COL3A1: variants seen among roughly 807,000 people sequenced by gnomAD.
COL3A1 encodes the protein collagen type III alpha 1 chain.
In COL3A1, 46 loss-of-function variants were observed where a neutral mutation model predicts 200.9. The ratio of observed to expected loss-of-function variants is 0.23; its 90% confidence interval spans 0.18 to 0.29. COL3A1 has a LOEUF of 0.29. Ranked by LOEUF, COL3A1 falls within the 10% of genes least tolerant of loss-of-function variation. The probability of loss-of-function intolerance (pLI) is 1.00; values close to 1 mark genes in which losing one functional copy is unlikely to be tolerated. For synonymous variants in COL3A1, 650 were observed against 628.0 expected (o/e 1.03, Z -0.52); for missense variants, 1,367 against 1,917.6 (o/e 0.71, Z 5.36).
rs147689522 is a variant in COL3A1 at position 189,008,289 on chromosome 2, C to T, written c.3525+147C>T. The T allele has an allele frequency of 5.7e-4, 422 of 744,242 alleles. No individual in the cohort carries two copies. In the African/African-American group the frequency reaches 6.7e-3, roughly 12 times the overall value. The allele number at this position is 744,242 out of a possible 1,614,324, so 46.1% of individuals were successfully genotyped here. A position where few individuals can be genotyped will look rare whatever the true frequency, so the allele number is the denominator to read the frequency against. On this transcript the variant is annotated intron_variant, in intron 47 of 50. Coordinates refer to ENST00000304636, the MANE Select transcript of COL3A1 (RefSeq NM_000090.4). ...TGAACAATGACTTTAAGACATTCTCCATCACATTAAAAATGTTTCTACCAC... is the reference window on the plus strand; with the variant it reads ...TGAACAATGACTTTAAGACATTCTCTATCACATTAAAAATGTTTCTACCAC...
intron 1 of COL3A1, among the ~76,000 whole-genome samples, chr2:188,980,955 C>A (rs567377441): frequency 6.6e-6 from 1 of 150,876 alleles, no homozygotes; most frequent in Admixed American, 6.6e-5. Flanking sequence ...ACATCTTTTC[C>A]CAGATAAGGA....
intron 1 of COL3A1, among the ~76,000 whole-genome samples, chr2:188,980,298 T>G (rs1687922577): frequency 6.6e-6 from 1 of 151,174 alleles, no homozygotes; most frequent in Non-Finnish European, 1.5e-5. Context: ...CTAATTATTT[T>G]TATTTTTAAC....
At chr2:189,000,947 G>A (rs1040187) in intron 32 of COL3A1, among the ~76,000 whole-genome samples, 109,355 of 152,074 alleles carry the variant, frequency 0.72, 39,619 homozygotes, top group East Asian at 0.93. Flanking sequence ...CAGGTAAAAA[G>A]AGTGCTCAAT....
chr2:188,997,031 TATATATATGAGAC>T (rs1264540257), intron 24 of COL3A1, 121 bp from the exon 25 acceptor site: 11 of 299,542 alleles, frequency 3.7e-5, no homozygotes, highest in South Asian at 2.7e-4. Flanking sequence ...ATATGAGACA[TATATATATGAGAC>T]ATATATATAT....
rs1383823798 is a variant in COL3A1 at position 189,011,777 on chromosome 2, C to G, written c.*3C>G. 6.2e-7 allele frequency: 1 copy of G among 1,613,704 alleles called. No individual in the cohort carries two copies. Among genetic ancestry groups the G allele is most frequent in the South Asian group, 1.1e-5 (1 of 91,068 alleles). On this transcript the variant is annotated 3_prime_UTR_variant, in exon 51 of 51. Coordinates refer to ENST00000304636, the MANE Select transcript of COL3A1 (RefSeq NM_000090.4). ...TTGGCCCTGTTTGCTTTTTATAAAC[C>G]AAACTCTATCTGAAATCCCAACAAA...
rs367750985 is a variant in COL3A1 at position 188,996,379 on chromosome 2, T to C, written c.1663-19T>C. Reference sequence around the variant, plus strand: ...CTTCTCTTTATCAAACCTTTATTAATGTAATTTTTTCTTATTAGGGAAGTC... The same window carrying C: ...CTTCTCTTTATCAAACCTTTATTAACGTAATTTTTTCTTATTAGGGAAGTC... On this transcript the variant is annotated intron_variant, in intron 23 of 50. Coordinates refer to ENST00000304636, the MANE Select transcript of COL3A1 (RefSeq NM_000090.4). 2 of 1,592,846 alleles carry C rather than the reference T, an allele frequency of 1.3e-6. No individual in the cohort carries two copies. Among genetic ancestry groups the C allele is most frequent in the African/African-American group, 2.7e-5 (2 of 74,276 alleles).
At chr2:188,993,977 T>C in intron 16 of COL3A1, 61 bp from the exon 17 acceptor site, 1 of 1,515,858 alleles carries the variant, frequency 6.6e-7, no homozygotes, top group Middle Eastern at 1.7e-4. Flanking sequence ...ACAAACAACT[T>C]CAAATATATA....
At position 189,009,185 on chromosome 2, in the gene COL3A1, A is replaced by G; in HGVS notation, c.3787A>G (p.Arg1263Gly). 3 of 1,614,230 alleles carry G rather than the reference A, an allele frequency of 1.9e-6. No individual in the cohort carries two copies. The highest frequency in any genetic ancestry group is 2.5e-6 in the Non-Finnish European group (3 of 1,180,038). ...GSRKNPARNC[R>G]DLKFCHPELK... is the part of the protein sequence containing the mutation. ...TCGTAAAAACCCCGCTAGAAACTGC[A>G]GAGACCTGAAATTCTGCCATCCTGA... is the stretch of plus-strand genomic sequence containing the variant. The change falls in exon 48 of 51, where the codon AGA becomes GGA. Residue 1263 changes from arginine to glycine, a missense_variant. By Grantham distance (125) the Arg-to-Gly change is moderately radical. This residue lies in a region of COL3A1 where 846 missense variants were observed against 1,147.9 expected (regional missense o/e 0.74). Transcript: ENST00000304636.
rs1209872679 is a variant in COL3A1, at chr2:189,002,313, A to G, written c.2407A>G (p.Thr803Ala). The change falls in exon 35 of 51, where the codon ACT becomes GCT. Residue 803 changes from threonine (T) to alanine (A), a missense_variant. Transcript: ENST00000304636. ...TTCTCTTCAGGGTGAGAGAGGTGAAACTGGCCCTCCAGGACCTGCTGGTTT... is the reference window on the plus strand; with the variant it reads ...TTCTCTTCAGGGTGAGAGAGGTGAAGCTGGCCCTCCAGGACCTGCTGGTTT... The part of the protein sequence containing the change: ...PRGSPGERGE[T>A]GPPGPAGFPG... The G allele has an allele frequency of 6.2e-7, 1 of 1,614,018 alleles. No individual in the cohort carries two copies. The highest frequency in any genetic ancestry group is 8.5e-7 in the Non-Finnish European group (1 of 1,179,908).
rs562018848 is a variant in COL3A1 at position 188,987,704 on chromosome 2, A to G, written c.529-377A>G. 2.0e-5 allele frequency among the ~76,000 whole-genome samples: 3 copies of G among 152,182 alleles called. No homozygotes were observed. The East Asian group carries it at 5.8e-4, about 29-fold the overall frequency. ...TATAGGATTTCTAGTGTGCCAATAA[A>G]TGTTTTTCTGCACTGAGTTTGGCTG... On this transcript the variant is annotated intron_variant, in intron 5 of 50. Coordinates refer to ENST00000304636, the MANE Select transcript of COL3A1 (RefSeq NM_000090.4).
rs770372880 is a variant in COL3A1 at position 188,996,383 on chromosome 2, AT to A, written c.1663-9del. On this transcript the variant is annotated splice_polypyrimidine_tract_variant and intron_variant, in intron 23 of 50. Coordinates refer to ENST00000304636, the MANE Select transcript of COL3A1 (RefSeq NM_000090.4). ...TCTTTATCAAACCTTTATTAATGTAATTTTTTCTTATTAGGGAAGTCAAGGA... is the reference window on the plus strand; with the variant it reads ...TCTTTATCAAACCTTTATTAATGTAATTTTTCTTATTAGGGAAGTCAAGGA... 1.9e-6 allele frequency: 3 copies of A among 1,604,170 alleles called. No individual in the cohort carries two copies. The highest frequency in any genetic ancestry group is 1.1e-5 in the South Asian group (1 of 90,784).
At chr2:188,992,118 C>A in intron 13 of COL3A1, 66 bp from the exon 14 acceptor site, 1 of 1,541,352 alleles carries the variant, frequency 6.5e-7, no homozygotes, top group South Asian at 1.1e-5. Context: ...GAATTTTGGT[C>A]AAAATATTAC....
intron 1 of COL3A1, among the ~76,000 whole-genome samples, chr2:188,978,756 C>CAAAAA (rs55694521): frequency 6.8e-5 from 6 of 87,812 alleles, no homozygotes; most frequent in Admixed American, 1.1e-4. Flanking sequence ...TTTCCACACT[C>CAAAAA]AAAAAAAAAA....
chr2:188,977,986 T>C, intron 1 of COL3A1: 1 of 315,426 alleles, frequency 3.2e-6, no homozygotes, highest in Non-Finnish European at 6.4e-6. Flanking sequence ...TTTGTGTTTT[T>C]CATCCATGAT....
chr2:188,985,088 G>A, intron 2 of COL3A1, 109 bp from the exon 3 acceptor site: 1 of 1,424,846 alleles, frequency 7.0e-7, no homozygotes, highest in Non-Finnish European at 9.9e-7. Context: ...TGTATTACGA[G>A]TAAAAAGTGA....
intron 1 of COL3A1, 149 bp from the exon 2 acceptor site, chr2:188,984,611 A>G: frequency 1.4e-6 from 1 of 694,388 alleles, no homozygotes; most frequent in Non-Finnish European, 2.5e-6. Flanking sequence ...CAAATTACAT[A>G]GGGCAAGTAT....
At position 189,001,456 on chromosome 2, in the gene COL3A1, C is replaced by T; in HGVS notation, c.2337+6C>T. 3 of 1,614,054 alleles carry T rather than the reference C, an allele frequency of 1.9e-6. No homozygotes were observed. Among genetic ancestry groups the T allele is most frequent in the Non-Finnish European group, 2.5e-6 (3 of 1,179,944 alleles). On this transcript the variant is annotated splice_donor_region_variant and intron_variant, in intron 33 of 50. Transcript: ENST00000304636. ...CTGGCCAGCCTGGAGATAAGGTAAC[C>T]CTTAATACTACCTGGATATAAAAAG...
chr2:189,000,348 T>G (rs1007340917), intron 32 of COL3A1, among the ~76,000 whole-genome samples: 2 of 152,188 alleles, frequency 1.3e-5, no homozygotes, highest in African/African-American at 4.8e-5. Flanking sequence ...GACAACATAC[T>G]CAGTGAAGAA....
chr2:188,987,286 A>T, intron 5 of COL3A1, 147 bp downstream of exon 5: 1 of 707,850 alleles, frequency 1.4e-6, no homozygotes, highest in Non-Finnish European at 2.6e-6. Flanking sequence ...AGAAAATGGT[A>T]GCATTATCAT....
Sources: gnomAD v4.1 joint callset for allele counts (sites outside exome capture counted in the v4.1 genomes callset) on GRCh38, gnomAD v4.1.1 for gene constraint, gnomAD v4.1.1 regional missense constraint, MANE v1.5 for transcripts, NCBI Gene and HGNC (gene_info 2026-07-23, HGNC 2026-07-21) for gene names.